The following RARB variants were observed in gnomAD, a reference collection of about 807,000 sequenced individuals.
RARB encodes HBV-activated protein.
Under a neutral mutation model 51.9 loss-of-function variants are expected in RARB, and 17 were observed. The ratio of observed to expected loss-of-function variants is 0.33; its 90% CI spans 0.22 to 0.49. The LOEUF (loss-of-function observed/expected upper bound fraction) is 0.49, where lower values mean the gene tolerates loss of function less well. Ranked by LOEUF, RARB falls within the 20% of genes least tolerant of loss-of-function variation. The pLI is 0.99. For synonymous variants in RARB, 215 were observed against 195.4 expected (o/e 1.10, Z -0.84); for missense variants, 369 against 550.8 (o/e 0.67, Z 3.30).
intron 5 of RARB, among the ~76,000 whole-genome samples, chr3:25,385,050 G>A (rs1216307591): frequency 6.6e-6 from 1 of 152,114 alleles, no homozygotes; most frequent in Admixed American, 6.5e-5. Context: ...GGCCGTAGTA[G>A]ATACTTAAAG....
chr3:25,593,355 G>C (rs1701688645), intron 5 of RARB, 148 bp from the exon 6 acceptor site: 1 of 708,186 alleles, frequency 1.4e-6, no homozygotes, highest in Non-Finnish European at 2.3e-6. Flanking sequence ...CTTAATGAAA[G>C]AGCTAAAGAA....
chr3:25,439,888 A>G (rs545801808), intron 1 of RARB, among the ~76,000 whole-genome samples: 1 of 152,114 alleles, frequency 6.6e-6, no homozygotes, highest in Non-Finnish European at 1.5e-5. Flanking sequence ...CTAAATCTGT[A>G]AGACGCTAAC....
intron 2 of RARB, among the ~76,000 whole-genome samples, chr3:24,873,068 A>G (rs1476785659): frequency 6.6e-6 from 1 of 152,208 alleles, no homozygotes; most frequent in Non-Finnish European, 1.5e-5. Flanking sequence ...CACAGACAAT[A>G]CATTTTTTAA....
chr3:25,003,812 A>C (rs566452967), intron 2 of RARB, among the ~76,000 whole-genome samples: 21 of 152,140 alleles, frequency 1.4e-4, no homozygotes, highest in Non-Finnish European at 3.1e-4. Context: ...GAAAAGGCTC[A>C]TGGAAGTTTA....
intron 3 of RARB, among the ~76,000 whole-genome samples, chr3:25,555,890 A>C (rs995920110): frequency 6.6e-6 from 1 of 152,208 alleles, no homozygotes; most frequent in Admixed American, 6.5e-5. Context: ...AAAGGGAAAG[A>C]AAGCCCATTC....
chr3:25,200,993 A>G (rs867420914), intron 5 of RARB, among the ~76,000 whole-genome samples: 3 of 152,114 alleles, frequency 2.0e-5, no homozygotes, highest in Admixed American at 2.0e-4. Context: ...TCATTGGTAG[A>G]TTGATGAGGA....
chr3:25,121,297 A>G (rs1413193748), intron 3 of RARB, among the ~76,000 whole-genome samples: 1 of 152,182 alleles, frequency 6.6e-6, no homozygotes, highest in East Asian at 1.9e-4. Context: ...AGAGGGCTTA[A>G]AACTCCCAAG....
intron 2 of RARB, among the ~76,000 whole-genome samples, chr3:24,894,742 G>A (rs912364694): frequency 2.0e-5 from 3 of 152,172 alleles, no homozygotes; most frequent in African/African-American, 7.2e-5. Flanking sequence ...CAGTTACTTA[G>A]CATATTGCTG....
intron 3 of RARB, among the ~76,000 whole-genome samples, chr3:25,131,705 T>C (rs778899022): frequency 2.0e-5 from 3 of 151,918 alleles, no homozygotes; most frequent in African/African-American, 7.2e-5. Flanking sequence ...GTGAAGCCAT[T>C]TGCCACGCTG....
At chr3:24,941,711 A>G (rs1212077065) in intron 2 of RARB, among the ~76,000 whole-genome samples, 1 of 152,214 alleles carries the variant, frequency 6.6e-6, no homozygotes, top group African/African-American at 2.4e-5. Context: ...TTTATGAAAA[A>G]TTCACTACAT....
intron 3 of RARB, among the ~76,000 whole-genome samples, chr3:25,061,943 C>T (rs1463533607): frequency 1.3e-5 from 2 of 151,562 alleles, no homozygotes; most frequent in Admixed American, 6.6e-5. Context: ...ATCAGTAGAA[C>T]AGCACATCTG....
At chr3:25,304,149 A>T (rs1704103615) in intron 5 of RARB, among the ~76,000 whole-genome samples, 1 of 152,134 alleles carries the variant, frequency 6.6e-6, no homozygotes, top group Non-Finnish European at 1.5e-5. Context: ...CCACACTCCC[A>T]TTCCATCCCT....
intron 2 of RARB, among the ~76,000 whole-genome samples, chr3:25,489,441 C>T (rs1195637943): frequency 2.0e-5 from 3 of 152,176 alleles, no homozygotes; most frequent in African/African-American, 7.2e-5. Context: ...ATTTACATTT[C>T]TTTGCTGATC....
intron 1 of RARB, among the ~76,000 whole-genome samples, chr3:25,460,076 A>T (rs1051764841): frequency 1.3e-5 from 2 of 152,182 alleles, no homozygotes; most frequent in African/African-American, 4.8e-5. Context: ...TTAATCTAGA[A>T]TAAAGAGTAA....
intron 2 of RARB, among the ~76,000 whole-genome samples, chr3:24,973,987 G>A (rs1696455733): frequency 6.6e-6 from 1 of 152,018 alleles, no homozygotes; most frequent in East Asian, 1.9e-4. Flanking sequence ...TCAGTACTGT[G>A]TTGAATAAAA....
At chr3:25,302,250 A>G (rs1320657747) in intron 5 of RARB, among the ~76,000 whole-genome samples, 1 of 152,236 alleles carries the variant, frequency 6.6e-6, no homozygotes, top group Non-Finnish European at 1.5e-5. Context: ...AAGATTAAGC[A>G]TATAAACTAG....
At chr3:25,209,671 T>G (rs67128462) in intron 5 of RARB, among the ~76,000 whole-genome samples, 2 of 152,036 alleles carry the variant, frequency 1.3e-5, no homozygotes, top group African/African-American at 2.4e-5. Flanking sequence ...CAGACCTCAG[T>G]TTTATGTCTC....
intron 2 of RARB, among the ~76,000 whole-genome samples, chr3:24,923,845 A>G (rs527876334): frequency 3.3e-5 from 5 of 152,316 alleles, no homozygotes; most frequent in South Asian, 2.1e-4. Flanking sequence ...TGAATGTTTA[A>G]TCTTCTTTAA....
intron 1 of RARB, among the ~76,000 whole-genome samples, chr3:24,855,741 T>C (rs577855021): frequency 7.4e-6 from 1 of 134,230 alleles, no homozygotes; most frequent in Non-Finnish European, 1.5e-5. Flanking sequence ...ACTGGAAATC[T>C]GCATTTTTTT....
Sources: allele counts gnomAD v4.1 joint callset (sites outside exome capture counted in the v4.1 genomes callset), GRCh38; gene constraint gnomAD v4.1.1; transcripts MANE v1.5; gene names NCBI Gene and HGNC (gene_info 2026-07-23, HGNC 2026-07-21).